PIWIL3: variants seen among roughly 807,000 people sequenced by gnomAD.
PIWIL3 encodes piwi-like protein 3.
In PIWIL3, 101 loss-of-function variants were observed where a neutral mutation model predicts 109.7. The ratio of observed to expected loss-of-function variants is 0.92; its 90% CI spans 0.78 to 1.09. The LOEUF is 1.09. PIWIL3 is among the 50% of genes least tolerant of loss of function. The pLI is 0.00. For missense variants in PIWIL3, 1,031 were observed against 1,072.6 expected (o/e 0.96, Z 0.54); for synonymous variants, 373 against 376.4 (o/e 0.99, Z 0.10).
rs528548181 is a variant in PIWIL3 at position 24,751,761 on chromosome 22, C to T, written c.978-263G>A. On this transcript the variant is annotated intron_variant, in intron 8 of 20. Coordinates refer to ENST00000616349, the MANE Select transcript of PIWIL3 (RefSeq NM_001255975.1). ...TCCCATTTTAGCCTAATCCACCAGC[C>T]TTCAGGCAGCCACTAGCCTACTTCG... is the stretch of plus-strand genomic sequence containing the variant. 3.3e-5 allele frequency among the ~76,000 whole-genome samples: 5 copies of T among 152,328 alleles called. No homozygotes were observed. In the South Asian group the frequency reaches 1.0e-3, roughly 32 times the overall value.
intron 12 of PIWIL3, among the ~76,000 whole-genome samples, chr22:24,738,867 A>C (rs1923819297): frequency 6.6e-6 from 1 of 152,120 alleles, no homozygotes; most frequent in African/African-American, 2.4e-5. Context: ...GGACCTCAGA[A>C]AATGAACCAA....
intron 12 of PIWIL3, among the ~76,000 whole-genome samples, chr22:24,740,767 A>AAT (rs747243161): frequency 3.3e-5 from 5 of 152,144 alleles, no homozygotes; most frequent in Admixed American, 6.5e-5. Context: ...TTGAAATGGT[A>AAT]ATATAAGATG....
At position 24,719,914 on chromosome 22, in the gene PIWIL3, T is replaced by G; in HGVS notation, c.2358-19A>C. 1 of 1,593,772 alleles carries G rather than the reference T, an allele frequency of 6.3e-7. No homozygotes were observed. Among genetic ancestry groups the G allele is most frequent in the Non-Finnish European group, 8.6e-7 (1 of 1,164,524 alleles). ...GTCATACCTGGAAATATAGGACATGTGGGTATCAGCTCATTTTAGAAAGAG... is the reference window on the plus strand; with the variant it reads ...GTCATACCTGGAAATATAGGACATGGGGGTATCAGCTCATTTTAGAAAGAG... On this transcript the variant is annotated intron_variant, in intron 19 of 20. Transcript: ENST00000616349.
chr22:24,762,014 G>A, intron 2 of PIWIL3: 1 of 1,001,036 alleles, frequency 1.0e-6, no homozygotes, highest in Non-Finnish European at 1.2e-6. Flanking sequence ...AAACAGGGCA[G>A]GCATAACAAG....
chr22:24,734,970 C>T lies in PIWIL3; in HGVS notation c.1634+738G>A, dbSNP rs145391368. Among the ~76,000 whole-genome samples the T allele has an allele frequency of 5.5e-3, 839 of 151,694 alleles. 8 individuals carry two copies. The highest frequency in any genetic ancestry group is 0.025 in the South Asian group (118 of 4,792). On this transcript the variant is annotated intron_variant, in intron 13 of 20. Transcript: ENST00000616349. ...AAGTACTAAGCAAAAGAAGCCGAGG[C>T]TGAGAAGACTACATACTGTATGAGT...
chr22:24,753,227 A>G, intron 8 of PIWIL3, among the ~76,000 whole-genome samples: 1 of 143,246 alleles, frequency 7.0e-6, no homozygotes, highest in Non-Finnish European at 1.6e-5. Context: ...CCCTAGCTCA[A>G]AGTCAAAAAG....
At chr22:24,737,884 G>C (rs1205898683) in intron 12 of PIWIL3, among the ~76,000 whole-genome samples, 1 of 152,070 alleles carries the variant, frequency 6.6e-6, no homozygotes, top group Admixed American at 6.6e-5. Context: ...AAGGGGGCCG[G>C]GCGCGGTGGC....
chr22:24,764,682 T>C (rs987620790), intron 1 of PIWIL3, among the ~76,000 whole-genome samples: 44 of 116,040 alleles, frequency 3.8e-4, no homozygotes, highest in Admixed American at 1.8e-4. Flanking sequence ...AGACAGGATC[T>C]CTCTCTTTTG....
Position 24,759,954 on chromosome 22 carries a change from C to T in PIWIL3, c.138G>A (p.Arg46=). ...QEPPQLQSTP[R]PLQEEVPVVR... ...CCACTGGGACTTCCTCCTGCAGCGGCCGGGGTGTCGACTGCAACTGAGGGG... is the reference window on the plus strand; with the variant it reads ...CCACTGGGACTTCCTCCTGCAGCGGTCGGGGTGTCGACTGCAACTGAGGGG... Residue 46 remains arginine (R), a synonymous_variant, in exon 3 of 21, where the codon CGG becomes CGA. Transcript: ENST00000616349. 6.2e-7 allele frequency: 1 copy of T among 1,614,098 alleles called. No individual in the cohort carries two copies. Among genetic ancestry groups the T allele is most frequent in the Non-Finnish European group, 8.5e-7 (1 of 1,180,018 alleles).
intron 2 of PIWIL3, among the ~76,000 whole-genome samples, chr22:24,760,952 T>G (rs1183554995): frequency 6.6e-6 from 1 of 152,040 alleles, no homozygotes; most frequent in Non-Finnish European, 1.5e-5. Context: ...TGTCTGATAC[T>G]GGATAGTTTT....
intron 12 of PIWIL3, among the ~76,000 whole-genome samples, chr22:24,738,483 T>C (rs917467527): frequency 5.9e-5 from 9 of 152,274 alleles, no homozygotes; most frequent in South Asian, 2.1e-4. Context: ...CCCCGTGCAG[T>C]CCCATTGGTG....
chr22:24,745,470 C>T (rs1451683700), intron 12 of PIWIL3, among the ~76,000 whole-genome samples: 1 of 151,918 alleles, frequency 6.6e-6, no homozygotes, highest in Admixed American at 6.6e-5. Flanking sequence ...TTGCTTGAAC[C>T]AGGGAGGTGG....
At chr22:24,746,628 C>T (rs999792848) in intron 12 of PIWIL3, among the ~76,000 whole-genome samples, 54 of 66,042 alleles carry the variant, frequency 8.2e-4, no homozygotes, top group African/African-American at 2.4e-3. Context: ...AAAAATCTAA[C>T]GACTCCAAAA....
At chr22:24,764,512 C>T (rs564779694) in intron 1 of PIWIL3, among the ~76,000 whole-genome samples, 5 of 152,164 alleles carry the variant, frequency 3.3e-5, no homozygotes, top group Non-Finnish European at 5.9e-5. Context: ...GATCCGCTGT[C>T]ATGGGTAAAC....
rs71321004 is a variant in PIWIL3, at chr22:24,733,713, C to A, written c.1707+371G>T. ...ACAAACAAACAAAAAACAACAACAA[C>A]AAAAAAAAACAGGCAAGAAGAATAA... On this transcript the variant is annotated intron_variant, in intron 14 of 20. Coordinates refer to ENST00000616349, the MANE Select transcript of PIWIL3 (RefSeq NM_001255975.1). Among the ~76,000 whole-genome samples, 282 of 126,800 alleles carry A rather than the reference C, an allele frequency of 2.2e-3. 2 individuals carry two copies. The East Asian group carries it at 0.035, about 16-fold the overall frequency. The allele number at this position is 126,800 out of a possible 152,430, so 83.2% of individuals were successfully genotyped here. A position where few individuals can be genotyped will look rare whatever the true frequency, so the allele number is the denominator to read the frequency against.
rs1569099615 is a variant in PIWIL3 at position 24,734,191 on chromosome 22, TACCA to T, written c.1635-39_1635-36del. 3.1e-6 allele frequency: 5 copies of T among 1,595,606 alleles called. No individual in the cohort carries two copies. The South Asian group carries it at 5.8e-5, about 19-fold the overall frequency. On this transcript the variant is annotated intron_variant, in intron 13 of 20. Transcript: ENST00000616349. ...AAATATAGCATCCACATCCAAAAGA[TACCA>T]ACCAGTGAAACAAACGTTTCACCCA... is the stretch of plus-strand genomic sequence containing the variant.
At chr22:24,771,734 T>G (rs1046891638) in intron 1 of PIWIL3, among the ~76,000 whole-genome samples, 1 of 129,604 alleles carries the variant, frequency 7.7e-6, no homozygotes, top group Non-Finnish European at 1.7e-5. Flanking sequence ...TTCTCTCTCT[T>G]GCCCTCTTTT....
chr22:24,736,005 A>G, intron 12 of PIWIL3, 113 bp from the exon 13 acceptor site: 1 of 868,794 alleles, frequency 1.2e-6, no homozygotes, highest in Non-Finnish European at 1.7e-6. Flanking sequence ...ACAATTATAA[A>G]CTTGAATGGC....
intron 12 of PIWIL3, among the ~76,000 whole-genome samples, chr22:24,744,195 A>AAC (rs1569103622): frequency 1.4e-5 from 2 of 145,894 alleles, no homozygotes; most frequent in African/African-American, 5.2e-5. Flanking sequence ...AAAAAAAAAA[A>AAC]AAAAAAAAAA....
Sources: gnomAD v4.1 joint callset for allele counts (sites outside exome capture counted in the v4.1 genomes callset) on GRCh38, gnomAD v4.1.1 for gene constraint, MANE v1.5 for transcripts, NCBI Gene and HGNC (gene_info 2026-07-23, HGNC 2026-07-21) for gene names.